SUCLG2: variants seen among roughly 807,000 people sequenced by gnomAD.
The protein encoded by SUCLG2 is succinate-CoA ligase GDP-forming subunit beta, also known as succinate--CoA ligase [GDP-forming] subunit beta, mitochondrial.
SUCLG2 carries 42 observed loss-of-function variants against 47.9 expected under a neutral mutation model. The observed-to-expected ratio is 0.88, with a 90% CI of 0.69 to 1.14. The LOEUF (loss-of-function observed/expected upper bound fraction) is 1.14, where lower values mean the gene tolerates loss of function less well. Among genes scored for constraint, SUCLG2 ranks in the 50% most tolerant of loss-of-function variants. SUCLG2 has a pLI of 0.00. For missense variants in SUCLG2, 571 were observed against 525.9 expected, an observed-to-expected ratio of 1.09 and a Z score of -0.84; for synonymous variants, 195 against 197.3, an observed-to-expected ratio of 0.99 and a Z score of 0.10.
At chr3:67,505,751 C>A (rs1487978506) in intron 7 of SUCLG2, among the ~76,000 whole-genome samples, 1 of 152,150 alleles carries the variant, frequency 6.6e-6, no homozygotes, top group Admixed American at 6.5e-5. Flanking sequence ...CACCTGAGGT[C>A]AGGAGTTCGA....
At chr3:67,362,858 A>C (rs745606902) in intron 10 of SUCLG2, among the ~76,000 whole-genome samples, 8 of 152,208 alleles carry the variant, frequency 5.3e-5, no homozygotes, top group Non-Finnish European at 1.2e-4. Context: ...AGTGACTCAT[A>C]GATGCAGCTA....
chr3:67,609,674 T>TA, intron 1 of SUCLG2, 78 bp from the exon 2 acceptor site: 1 of 1,407,708 alleles, frequency 7.1e-7, no homozygotes, highest in Non-Finnish European at 9.6e-7. Context: ...TGGCCAGTCT[T>TA]AGAGGTACTG....
At chr3:67,438,488 C>A (rs778360327) in intron 9 of SUCLG2, among the ~76,000 whole-genome samples, 23 of 151,852 alleles carry the variant, frequency 1.5e-4, no homozygotes, top group Non-Finnish European at 3.2e-4. Context: ...AATAGACAGA[C>A]CGCTGGCCAG....
chr3:67,607,350 T>C (rs1196775174), intron 2 of SUCLG2, among the ~76,000 whole-genome samples: 1 of 152,244 alleles, frequency 6.6e-6, no homozygotes, highest in African/African-American at 2.4e-5. Context: ...GATAACTTTT[T>C]ATATTAATTA....
chr3:67,371,647 C>T (rs1485387126), downstream of SUCLG2, among the ~76,000 whole-genome samples: 1 of 152,196 alleles, frequency 6.6e-6, no homozygotes, highest in African/African-American at 2.4e-5. Context: ...CTAAATCCTG[C>T]TTCCCAAAGT....
At position 67,586,864 on chromosome 3, in the gene SUCLG2, G is replaced by A. The variant is rs376861146; in HGVS notation, c.226+22591C>T. On this transcript the variant is annotated intron_variant, in intron 2 of 10. Coordinates refer to ENST00000307227, the MANE Select transcript of SUCLG2 (RefSeq NM_003848.4). ...TCAACCAAGATAGTCTGACTCCTAT[G>A]GGCTTAGTCAGTACCCTAAGCTGCC... Among the ~76,000 whole-genome samples, 7 of 152,108 alleles carry A rather than the reference G, an allele frequency of 4.6e-5. No homozygotes were observed. In the East Asian group the frequency reaches 9.6e-4, roughly 21 times the overall value.
intron 2 of SUCLG2, among the ~76,000 whole-genome samples, chr3:67,577,005 T>C (rs999363377): frequency 1.3e-5 from 2 of 152,076 alleles, no homozygotes; most frequent in Non-Finnish European, 2.9e-5. Flanking sequence ...AGGTAGATGG[T>C]CTAAGGAAAG....
intron 2 of SUCLG2, among the ~76,000 whole-genome samples, chr3:67,534,550 T>C (rs1364462581): frequency 1.3e-5 from 2 of 151,764 alleles, no homozygotes; most frequent in Non-Finnish European, 2.9e-5. Context: ...TAACCGTTAA[T>C]ACACATTTTG....
At chr3:67,434,758 A>G (rs1359490113) in intron 9 of SUCLG2, among the ~76,000 whole-genome samples, 6 of 152,204 alleles carry the variant, frequency 3.9e-5, no homozygotes, top group African/African-American at 1.2e-4. Context: ...GATTTCATAT[A>G]TATGTGACTA....
chr3:67,443,991 G>T (rs867497333), intron 9 of SUCLG2, among the ~76,000 whole-genome samples: 1,774 of 119,052 alleles, frequency 0.015, 3 homozygotes, highest in African/African-American at 0.05. Flanking sequence ...CCGGCCAGCC[G>T]CCCCATCCGG....
intron 9 of SUCLG2, among the ~76,000 whole-genome samples, chr3:67,472,498 T>G (rs1447971768): frequency 6.6e-6 from 1 of 152,218 alleles, no homozygotes; most frequent in Non-Finnish European, 1.5e-5. Context: ...TTGATGAAAA[T>G]AATTTATTTT....
chr3:67,476,690 G>T (rs72923137), intron 9 of SUCLG2, among the ~76,000 whole-genome samples: 4,955 of 152,186 alleles, frequency 0.033, 99 homozygotes, highest in East Asian at 0.068. Flanking sequence ...TACCAAAATG[G>T]TTGGGAACTA....
chr3:67,392,333 A>C (rs1313771103), intron 10 of SUCLG2, among the ~76,000 whole-genome samples: 1 of 152,186 alleles, frequency 6.6e-6, no homozygotes, highest in East Asian at 1.9e-4. Flanking sequence ...AAACCCAGTA[A>C]GACATTGAGG....
At chr3:67,578,297 T>C (rs973721745) in intron 2 of SUCLG2, among the ~76,000 whole-genome samples, 1 of 147,700 alleles carries the variant, frequency 6.8e-6, no homozygotes, top group Non-Finnish European at 1.5e-5. Flanking sequence ...TATAAAATCA[T>C]ATATATACAT....
At chr3:67,596,036 G>C (rs1284869943) in intron 2 of SUCLG2, among the ~76,000 whole-genome samples, 1 of 152,214 alleles carries the variant, frequency 6.6e-6, no homozygotes, top group Non-Finnish European at 1.5e-5. Flanking sequence ...TTGGCATTCT[G>C]GTGTATACAT....
At chr3:67,632,693 G>A (rs752952433) in intron 1 of SUCLG2, among the ~76,000 whole-genome samples, 17 of 152,258 alleles carry the variant, frequency 1.1e-4, no homozygotes, top group Non-Finnish European at 1.9e-4. Context: ...TATTGCTTTT[G>A]AAATCATAAG....
intron 10 of SUCLG2, among the ~76,000 whole-genome samples, chr3:67,388,810 T>C (rs984428507): frequency 3.3e-5 from 5 of 152,148 alleles, no homozygotes; most frequent in African/African-American, 1.2e-4. Context: ...GATTTAGAGA[T>C]GTGAGTTAGC....
At chr3:67,550,910 G>A (rs752368039) in intron 2 of SUCLG2, among the ~76,000 whole-genome samples, 2 of 152,008 alleles carry the variant, frequency 1.3e-5, no homozygotes, top group Non-Finnish European at 2.9e-5. Context: ...GGGGGGTGGG[G>A]GCAGGGGCGG....
chr3:67,458,732 C>T (rs1443540579), intron 9 of SUCLG2, among the ~76,000 whole-genome samples: 1 of 152,194 alleles, frequency 6.6e-6, no homozygotes, highest in Non-Finnish European at 1.5e-5. Flanking sequence ...ACAGGAACCA[C>T]CCCACCAGTC....
Sources: allele counts gnomAD v4.1 joint callset (sites outside exome capture counted in the v4.1 genomes callset), GRCh38; gene constraint gnomAD v4.1.1; transcripts MANE v1.5; gene names NCBI Gene and HGNC (gene_info 2026-07-23, HGNC 2026-07-21).